PRKCE: variants seen among roughly 807,000 people sequenced by gnomAD.
The protein encoded by PRKCE is protein kinase C epsilon.
In PRKCE, 16 loss-of-function variants were observed where a neutral mutation model predicts 85.4. The observed-to-expected ratio is 0.19, with a 90% CI of 0.13 to 0.28. PRKCE has a LOEUF of 0.28. Ranked by LOEUF, PRKCE falls within the 10% of genes least tolerant of loss-of-function variation. PRKCE has a pLI of 1.00. For missense variants in PRKCE, 573 were observed against 975.2 expected, an observed-to-expected ratio of 0.59 and a Z score of 5.49; for synonymous variants, 388 against 371.5, an observed-to-expected ratio of 1.04 and a Z score of -0.51.
At chr2:45,981,471 C>CG (rs1702885832) in intron 5 of PRKCE, among the ~76,000 whole-genome samples, 3 of 152,218 alleles carry the variant, frequency 2.0e-5, no homozygotes, top group Admixed American at 2.0e-4. Context: ...CATCTTCTCT[C>CG]TCCTTCTGCT....
chr2:46,078,550 A>AT (rs1478014938), intron 10 of PRKCE, among the ~76,000 whole-genome samples: 5 of 145,148 alleles, frequency 3.4e-5, no homozygotes, highest in South Asian at 2.2e-4. Context: ...GAAAAAAAAA[A>AT]AAAATAAGAT....
chr2:45,981,434 T>A (rs1702882756), intron 5 of PRKCE, among the ~76,000 whole-genome samples: 1 of 152,218 alleles, frequency 6.6e-6, no homozygotes, highest in African/African-American at 2.4e-5. Flanking sequence ...TTGAGTCAAA[T>A]AGCATCCTGG....
intron 1 of PRKCE, among the ~76,000 whole-genome samples, chr2:45,814,851 G>A (rs1474726856): frequency 6.6e-6 from 1 of 152,174 alleles, no homozygotes; most frequent in East Asian, 1.9e-4. Context: ...GGCTGCAGTT[G>A]TCCTGATGAG....
intron 3 of PRKCE, among the ~76,000 whole-genome samples, chr2:45,977,089 G>A (rs1377917894): frequency 6.6e-6 from 1 of 151,998 alleles, no homozygotes; most frequent in African/African-American, 2.4e-5. Context: ...TAGAGGTAGG[G>A]TTTCGCCATG....
At chr2:45,890,135 C>A (rs1315551363) in intron 2 of PRKCE, among the ~76,000 whole-genome samples, 1 of 152,156 alleles carries the variant, frequency 6.6e-6, no homozygotes, top group East Asian at 1.9e-4. Flanking sequence ...GAAGGATAGT[C>A]GTTTTAATTT....
At chr2:45,832,486 T>C (rs1690512003) in intron 1 of PRKCE, among the ~76,000 whole-genome samples, 2 of 152,150 alleles carry the variant, frequency 1.3e-5, no homozygotes, top group Non-Finnish European at 2.9e-5. Flanking sequence ...CTAATTTTTG[T>C]ATTTTTAGTA....
intron 2 of PRKCE, among the ~76,000 whole-genome samples, chr2:45,920,943 C>G (rs1273564797): frequency 2.0e-5 from 3 of 152,210 alleles, no homozygotes; most frequent in Non-Finnish European, 2.9e-5. Flanking sequence ...TACCCCCATA[C>G]ACATGCCTGT....
intron 11 of PRKCE, among the ~76,000 whole-genome samples, chr2:46,126,498 G>C (rs975264234): frequency 2.6e-5 from 4 of 152,182 alleles, no homozygotes; most frequent in African/African-American, 9.7e-5. Context: ...GAGTTGGCCA[G>C]AGAAGGCATT....
At chr2:45,690,444 C>G (rs559527891) in intron 1 of PRKCE, among the ~76,000 whole-genome samples, 1 of 152,030 alleles carries the variant, frequency 6.6e-6, no homozygotes, top group South Asian at 2.1e-4. Context: ...AGGCAGGGGG[C>G]GAAGGAAGCA....
intron 1 of PRKCE, among the ~76,000 whole-genome samples, chr2:45,709,967 G>A (rs567731215): frequency 6.6e-6 from 1 of 152,126 alleles, no homozygotes; most frequent in African/African-American, 2.4e-5. Flanking sequence ...ATGCCACCAC[G>A]CCTGGCTAAT....
intron 1 of PRKCE, among the ~76,000 whole-genome samples, chr2:45,688,591 C>T (rs1426482183): frequency 6.6e-6 from 1 of 152,140 alleles, no homozygotes. Context: ...TCAGTCTGGG[C>T]TTTGTTAATG....
intron 2 of PRKCE, among the ~76,000 whole-genome samples, chr2:45,863,456 C>T (rs1343979665): frequency 6.6e-6 from 1 of 152,124 alleles, no homozygotes; most frequent in Non-Finnish European, 1.5e-5. Flanking sequence ...CCAAACAGCT[C>T]TACCTGCAAG....
At chr2:45,936,075 C>T (rs1029256499) in intron 2 of PRKCE, among the ~76,000 whole-genome samples, 6 of 152,168 alleles carry the variant, frequency 3.9e-5, no homozygotes, top group African/African-American at 1.4e-4. Context: ...AGCCAGCCTG[C>T]TGCCCTGCCT....
rs1390208339 is a variant in PRKCE at position 46,004,525 on chromosome 2, CTT to C, written c.967-15_967-14del. On this transcript the variant is annotated splice_polypyrimidine_tract_variant and intron_variant, in intron 7 of 14. Coordinates refer to ENST00000306156, the MANE Select transcript of PRKCE (RefSeq NM_005400.3). This position sits in a 1 kb window ranked among gnomAD's most constrained non-coding sequence, Gnocchi z 4.1. ...CTCCCTTCTGATGCCTCTGTCCCTG[CTT>C]TCTCTCCTCTCTAGCTCATTGCTGG... is the stretch of plus-strand genomic sequence containing the variant. 1 of 1,560,438 alleles carries C rather than the reference CTT, an allele frequency of 6.4e-7. No homozygotes were observed. The highest frequency in any genetic ancestry group is 1.2e-5 in the South Asian group (1 of 85,870).
intron 11 of PRKCE, among the ~76,000 whole-genome samples, chr2:46,092,707 G>T (rs1483708959): frequency 6.6e-6 from 1 of 152,176 alleles, no homozygotes; most frequent in African/African-American, 2.4e-5. Context: ...TTGTACTGAG[G>T]TCTCTAGCTG....
chr2:45,884,107 C>G (rs1182780465), intron 2 of PRKCE, among the ~76,000 whole-genome samples: 1 of 152,180 alleles, frequency 6.6e-6, no homozygotes, highest in Non-Finnish European at 1.5e-5. Flanking sequence ...TGCAAACAAC[C>G]AGGACTGTTG....
At chr2:45,669,618 G>A (rs1558539559) in intron 1 of PRKCE, among the ~76,000 whole-genome samples, 1 of 152,214 alleles carries the variant, frequency 6.6e-6, no homozygotes, top group Non-Finnish European at 1.5e-5. Flanking sequence ...TCAGTTTCAG[G>A]GAGGGCAGGA....
At chr2:45,943,084 T>C (rs1700000142) in intron 2 of PRKCE, among the ~76,000 whole-genome samples, 1 of 152,238 alleles carries the variant, frequency 6.6e-6, no homozygotes. Flanking sequence ...TGAATCATTT[T>C]AGCCAAAGAG....
chr2:45,990,363 T>A (rs1703690279), intron 6 of PRKCE, among the ~76,000 whole-genome samples: 1 of 152,210 alleles, frequency 6.6e-6, no homozygotes, highest in Non-Finnish European at 1.5e-5. Flanking sequence ...TCGCTTTTGA[T>A]GTTTTCTGTT....
Sources: allele counts gnomAD v4.1 joint callset (sites outside exome capture counted in the v4.1 genomes callset), GRCh38; gene constraint gnomAD v4.1.1; non-coding constraint Gnocchi (gnomAD v3.1); transcripts MANE v1.5; gene names NCBI Gene and HGNC (gene_info 2026-07-23, HGNC 2026-07-21).